Variants in NEIL3 observed in about 807,000 individuals in gnomAD.
NEIL3 encodes the protein endonuclease 8-like 3.
NEIL3 carries 48 observed loss-of-function variants against 57.5 expected under a neutral mutation model. The observed-to-expected ratio is 0.83, with a 90% CI of 0.66 to 1.06. The LOEUF is 1.06. Among genes scored for constraint, NEIL3 ranks in the 50% least tolerant of loss-of-function variants. The pLI is 0.00. For missense variants in NEIL3, 717 were observed against 739.1 expected, an observed-to-expected ratio of 0.97 and a Z score of 0.35; for synonymous variants, 261 against 253.2, an observed-to-expected ratio of 1.03 and a Z score of -0.29.
At chr4:177,334,469 G>A (rs1181912645) in intron 2 of NEIL3, among the ~76,000 whole-genome samples, 3 of 152,098 alleles carry the variant, frequency 2.0e-5, no homozygotes, top group East Asian at 3.9e-4. Flanking sequence ...TTTTTTATGT[G>A]GATGTGGTTT....
At chr4:177,363,149 T>A (rs1735643320), downstream of NEIL3, among the ~76,000 whole-genome samples, 1 of 152,212 alleles carries the variant, frequency 6.6e-6, no homozygotes, top group African/African-American at 2.4e-5. Context: ...CTCTCCCCGC[T>A]GCTTGTATTT....
intron 2 of NEIL3, among the ~76,000 whole-genome samples, chr4:177,326,477 G>A (rs1734781989): frequency 6.7e-6 from 1 of 150,300 alleles, no homozygotes; most frequent in Non-Finnish European, 1.5e-5. Context: ...TTTAAAGTCA[G>A]TTTAAATTAA....
At chr4:177,336,419 C>T (rs1734980700) in intron 4 of NEIL3, 98 bp downstream of exon 4, 7 of 878,516 alleles carry the variant, frequency 8.0e-6, no homozygotes, top group Non-Finnish European at 1.2e-5. Flanking sequence ...AACACAGTCT[C>T]ATCAGACTTC....
intron 1 of NEIL3, among the ~76,000 whole-genome samples, chr4:177,322,080 G>A (rs34390709): frequency 5.1e-4 from 77 of 152,234 alleles, no homozygotes; most frequent in African/African-American, 1.7e-3. Flanking sequence ...CACTCTTTCA[G>A]GGAACTTGGC....
At chr4:177,318,834 A>G (rs1356865986) in intron 1 of NEIL3, among the ~76,000 whole-genome samples, 1 of 152,200 alleles carries the variant, frequency 6.6e-6, no homozygotes, top group Non-Finnish European at 1.5e-5. Context: ...TTACTAGAAC[A>G]TAAACTCCAC....
intron 1 of NEIL3, among the ~76,000 whole-genome samples, chr4:177,317,347 A>G (rs936325812): frequency 1.3e-5 from 2 of 152,198 alleles, no homozygotes; most frequent in African/African-American, 2.4e-5. Flanking sequence ...TCTGTCAGCT[A>G]GGACAACATA....
In NEIL3 at chr4:177,332,678, T is replaced by C. The variant is rs904816408; in HGVS notation, c.279-3010T>C. 1.1e-4 allele frequency among the ~76,000 whole-genome samples: 16 copies of C among 152,114 alleles called. 1 individual carries two copies. Among genetic ancestry groups the C allele is most frequent in the Admixed American group, 6.5e-4 (10 of 15,274 alleles). On this transcript the variant is annotated intron_variant, in intron 2 of 9. Transcript: ENST00000264596. ...ATGGGCCCACGAGTGTGTATTCTCC[T>C]TGTGTCTGGGGCTCCGGGGATTCTA...
At chr4:177,311,172 T>A (rs1342298285) in intron 1 of NEIL3, among the ~76,000 whole-genome samples, 2 of 152,118 alleles carry the variant, frequency 1.3e-5, no homozygotes, top group Admixed American at 1.3e-4. Context: ...AAATTACTCA[T>A]TCAATAAAAT....
In NEIL3 at chr4:177,328,994, C is replaced by T. The variant is rs111500160; in HGVS notation, c.278+6414C>T. Among the ~76,000 whole-genome samples the T allele has an allele frequency of 3.9e-3, 597 of 152,022 alleles. 4 individuals are homozygous for T. Among genetic ancestry groups the T allele is most frequent in the African/African-American group, 0.013 (555 of 41,478 alleles). The stretch of plus-strand genomic sequence containing the variant: ...AGATAACTTGTATCTCAGTAATATA[C>T]GTTTTGCATATCATTTGAAGATTTG... On this transcript the variant is annotated intron_variant, in intron 2 of 9. Transcript: ENST00000264596.
chr4:177,336,273 C>T lies in NEIL3; in HGVS notation c.579C>T (p.Ile193=), dbSNP rs1734977522. The T allele has an allele frequency of 1.2e-6, 2 of 1,614,048 alleles. No homozygotes were observed. The highest frequency in any genetic ancestry group is 1.7e-6 in the Non-Finnish European group (2 of 1,180,030). The change falls in exon 4 of 10, where the codon ATC becomes ATT. Residue 193 remains isoleucine, a synonymous_variant. Coordinates refer to ENST00000264596, the MANE Select transcript of NEIL3 (RefSeq NM_018248.3). ...DQNVLPGVGN[I]IKNEALFDSG... is the part of the protein sequence containing the mutation. ...ACGTATTGCCTGGAGTAGGGAACAT[C>T]ATCAAAAATGAAGCTCTCTTTGACA...
At chr4:177,335,033 A>G (rs1484453003) in intron 2 of NEIL3, among the ~76,000 whole-genome samples, 3 of 152,186 alleles carry the variant, frequency 2.0e-5, no homozygotes, top group Admixed American at 1.3e-4. Context: ...TTCCCAATAC[A>G]TATAGAGGTA....
In NEIL3 at chr4:177,353,686, C is replaced by T. The variant is rs114112493; in HGVS notation, c.1418C>T (p.Ser473Leu). Residue 473 changes from serine to leucine, a missense_variant, in exon 8 of 10, where the codon TCA (serine) becomes TTA (leucine). By Grantham distance (145) the Ser-to-Leu change is moderately radical. Transcript: ENST00000264596. ...AHKKPKTAQY[S>L]SPELKSCNPG... ...AAAAAACCGAAAACAGCCCAATACT[C>T]ATCACCAGAGCTTAAAAGCTGCAAC... is the stretch of plus-strand genomic sequence containing the variant. The T allele has an allele frequency of 6.1e-5, 98 of 1,613,524 alleles. No homozygotes were observed. The East Asian group carries it at 2.1e-3, about 34-fold the overall frequency.
At chr4:177,365,142 G>T (rs1416275973), downstream of NEIL3, among the ~76,000 whole-genome samples, 1 of 152,184 alleles carries the variant, frequency 6.6e-6, no homozygotes, top group Non-Finnish European at 1.5e-5. Flanking sequence ...TCTGTGTGGA[G>T]TTGGCATGCT....
rs958843552 is a variant in NEIL3, at chr4:177,342,243, G to T, written c.869+601G>T. 3.5e-4 allele frequency among the ~76,000 whole-genome samples: 54 copies of T among 152,184 alleles called. 1 individual carries two copies. The highest frequency in any genetic ancestry group is 1.3e-3 in the African/African-American group (53 of 41,452). ...GATATTTTTGTCTCCTGGAATTAGT[G>T]TCAGTTCAGAGCCAGTGTCCAATAA... is the stretch of plus-strand genomic sequence containing the variant. On this transcript the variant is annotated intron_variant, in intron 6 of 9. Transcript: ENST00000264596.
chr4:177,336,074 T>G (rs773285450), intron 3 of NEIL3, 34 bp from the exon 4 acceptor site: 109 of 1,516,232 alleles, frequency 7.2e-5, no homozygotes, highest in Non-Finnish European at 9.7e-5. Context: ...ATAACCAGAC[T>G]TATGATTAAT....
chr4:177,310,117 A>C lies in NEIL3; in HGVS notation c.156+8A>C. The C allele has an allele frequency of 1.3e-6, 2 of 1,558,874 alleles. No individual in the cohort carries two copies. The highest frequency in any genetic ancestry group is 2.8e-5 in the African/African-American group (2 of 71,516). The stretch of plus-strand genomic sequence containing the variant: ...GTTGTGGTCTCCCCGCAGGTGAGCT[A>C]CTCCTGTAACAGGCCATGCAGTCAG... On this transcript the variant is annotated splice_region_variant and intron_variant, in intron 1 of 9. Coordinates refer to ENST00000264596, the MANE Select transcript of NEIL3 (RefSeq NM_018248.3).
Position 177,362,282 on chromosome 4 carries a change from C to G in NEIL3, c.1636-7C>G. 1 of 1,581,934 alleles carries G rather than the reference C, an allele frequency of 6.3e-7. No individual in the cohort carries two copies. The highest frequency in any genetic ancestry group is 1.9e-5 in the Admixed American group (1 of 52,284). On this transcript the variant is annotated splice_region_variant and splice_polypyrimidine_tract_variant and intron_variant, in intron 9 of 9. Transcript: ENST00000264596. The stretch of plus-strand genomic sequence containing the variant: ...TAAACTTGTAAATTTACCTTTTTTT[C>G]CTGCAGTGGGCAGATTTGTCCTTCC...
intron 1 of NEIL3, among the ~76,000 whole-genome samples, chr4:177,319,955 A>C (rs1734647187): frequency 6.6e-6 from 1 of 152,202 alleles, no homozygotes; most frequent in African/African-American, 2.4e-5. Context: ...GGCTCTCACC[A>C]TTGACTTATA....
At chr4:177,360,179 A>G (rs1481236426) in intron 8 of NEIL3, among the ~76,000 whole-genome samples, 1 of 152,262 alleles carries the variant, frequency 6.6e-6, no homozygotes, top group African/African-American at 2.4e-5. Context: ...AAGTGGCTAC[A>G]GTGTGATATT....
Sources: allele counts gnomAD v4.1 joint callset (sites outside exome capture counted in the v4.1 genomes callset), GRCh38; gene constraint gnomAD v4.1.1; transcripts MANE v1.5; gene names NCBI Gene and HGNC (gene_info 2026-07-23, HGNC 2026-07-21).